MKNK1: variants seen among roughly 807,000 people sequenced by gnomAD.
MKNK1 encodes MAPK interacting serine/threonine kinase 1, also known as MAP kinase-interacting serine/threonine-protein kinase 1.
MKNK1 carries 30 observed loss-of-function variants against 49.3 expected under a neutral mutation model. That is an observed-to-expected ratio of 0.61 (90% CI 0.46 to 0.83). The LOEUF is 0.83. Ranked by LOEUF, MKNK1 falls within the 40% of genes least tolerant of loss-of-function variation. The pLI is 0.00. For synonymous variants in MKNK1, 176 were observed against 201.7 expected (o/e 0.87, Z 1.08); for missense variants, 423 against 524.7 (o/e 0.81, Z 1.89).
chr1:46,566,349 G>T (rs1279780750), intron 8 of MKNK1, among the ~76,000 whole-genome samples: 1 of 152,210 alleles, frequency 6.6e-6, no homozygotes, highest in African/African-American at 2.4e-5. Context: ...TTTTATGGCT[G>T]ACTAGTATTC....
In MKNK1 at chr1:46,558,158, G is replaced by C. The variant is rs765344734; in HGVS notation, c.*417C>G. On this transcript the variant is annotated 3_prime_UTR_variant, in exon 13 of 13. Coordinates refer to ENST00000371945, the MANE Select transcript of MKNK1 (RefSeq NM_001135553.4). ...GAAGGACCGCCAGAGGAGGGTGACA[G>C]AGAAGAGAGGGAAGAGGCACGTGTC... 14 of 167,030 alleles carry C rather than the reference G, an allele frequency of 8.4e-5. No individual in the cohort carries two copies. The highest frequency in any genetic ancestry group is 1.4e-4 in the Non-Finnish European group (11 of 77,260). The allele number at this position is 167,030 out of a possible 1,614,324, so 10.3% of individuals were successfully genotyped here. A position where few individuals can be genotyped will look rare whatever the true frequency, so the allele number is the denominator to read the frequency against.
chr1:46,558,592 G>C lies in MKNK1; in HGVS notation c.1222C>G (p.Pro408Ala), dbSNP rs763574244. 1 of 1,611,552 alleles carries C rather than the reference G, an allele frequency of 6.2e-7. No homozygotes were observed. Among genetic ancestry groups the C allele is most frequent in the East Asian group, 2.2e-5 (1 of 44,866 alleles). ...GGAGCATTTCAGAGTGCTGTGGGCG[G>C]GCTCCTGTCTTCACCACGGCCTGCC... ...AQAGRGEDRSPPTAL is the reference protein window; with the variant it reads ...AQAGRGEDRSAPTAL The change falls in exon 13 of 13, where the codon CCG (proline) becomes GCG (alanine). Residue 408 changes from proline to alanine, a missense_variant. Coordinates refer to ENST00000371945, the MANE Select transcript of MKNK1 (RefSeq NM_001135553.4).
intron 1 of MKNK1, among the ~76,000 whole-genome samples, chr1:46,601,210 C>T (rs995189331): frequency 7.9e-5 from 12 of 152,226 alleles, no homozygotes; most frequent in East Asian, 1.9e-4. Flanking sequence ...AGCCACACAC[C>T]GGCCTCCTTG....
chr1:46,598,532 G>T (rs1327498732), intron 1 of MKNK1, among the ~76,000 whole-genome samples: 2 of 152,108 alleles, frequency 1.3e-5, no homozygotes, highest in Non-Finnish European at 2.9e-5. Context: ...GTACCAAACT[G>T]GGCATTCATA....
rs533542066 is a variant in MKNK1, at chr1:46,589,054, G to A, written c.-3+5059C>T. 6.6e-6 allele frequency among the ~76,000 whole-genome samples: 1 copy of A among 152,356 alleles called. No individual in the cohort carries two copies. The highest frequency in any genetic ancestry group is 1.5e-5 in the Non-Finnish European group (1 of 68,034). ...AGAGACTAGAAGTGAAAGCACCACT[G>A]ACTTACTCTTCAATAATGCTATATT... On this transcript the variant is annotated intron_variant, in intron 2 of 12. Transcript: ENST00000371945. This position sits in a 1 kb window ranked among gnomAD's most constrained non-coding sequence, Gnocchi z 4.3.
At chr1:46,561,102 C>CAACAATCAGCGCAGCA (rs2148543238) in intron 11 of MKNK1, among the ~76,000 whole-genome samples, 1 of 152,378 alleles carries the variant, frequency 6.6e-6, no homozygotes, top group African/African-American at 2.4e-5. Flanking sequence ...CTCGGCCACA[C>CAACAATCAGCGCAGCA]AACAATCAGC....
rs1439498575 is a variant in MKNK1, at chr1:46,580,647, G to C, written c.101-20C>G. On this transcript the variant is annotated intron_variant, in intron 3 of 12. Transcript: ENST00000371945. ...ACATATCTAGAGGTGAAATGGATGA[G>C]AGGAATAACAAGATGAGTCACCCTA... The C allele has an allele frequency of 2.6e-6, 4 of 1,553,208 alleles. No individual in the cohort carries two copies. The highest frequency in any genetic ancestry group is 3.6e-6 in the Non-Finnish European group (4 of 1,124,656).
At chr1:46,585,934 G>C (rs1335046356) in intron 2 of MKNK1, 1 of 1,365,878 alleles carries the variant, frequency 7.3e-7, no homozygotes, top group Non-Finnish European at 9.8e-7. Context: ...AAATGGTTAA[G>C]ACTTTCCTTG....
intron 4 of MKNK1, among the ~76,000 whole-genome samples, chr1:46,579,887 TA>T (rs1383730910): frequency 1.4e-5 from 2 of 142,876 alleles, no homozygotes; most frequent in Admixed American, 6.6e-5. Flanking sequence ...TTTCTTCTTT[TA>T]ATTTTTTTTT....
At chr1:46,596,875 C>T (rs1674135188) in intron 1 of MKNK1, among the ~76,000 whole-genome samples, 1 of 152,156 alleles carries the variant, frequency 6.6e-6, no homozygotes, top group African/African-American at 2.4e-5. Context: ...AAACTGACAG[C>T]AAATACAAAG....
chr1:46,597,699 G>A (rs1674259089), intron 1 of MKNK1, among the ~76,000 whole-genome samples: 1 of 152,260 alleles, frequency 6.6e-6, no homozygotes, highest in African/African-American at 2.4e-5. Context: ...GCCAGGGACA[G>A]GGTAGAGACT....
At chr1:46,566,620 C>A (rs530615381) in intron 8 of MKNK1, among the ~76,000 whole-genome samples, 1 of 152,212 alleles carries the variant, frequency 6.6e-6, no homozygotes, top group Admixed American at 6.5e-5. Flanking sequence ...ATGAGGGTTA[C>A]GATTTCTCCA....
chr1:46,574,897 C>T, intron 6 of MKNK1, 50 bp downstream of exon 6: 1 of 1,254,296 alleles, frequency 8.0e-7, no homozygotes, highest in South Asian at 1.3e-5. Context: ...TGGATGATCA[C>T]CACCCTGGGT....
intron 3 of MKNK1, among the ~76,000 whole-genome samples, chr1:46,580,882 T>C (rs1671630639): frequency 6.6e-6 from 1 of 152,200 alleles, no homozygotes. Flanking sequence ...ATTCGGCACA[T>C]ACTTCCTGAA....
At chr1:46,558,939 AAAG>A in intron 12 of MKNK1, 139 bp from the exon 13 acceptor site, 1 of 693,410 alleles carries the variant, frequency 1.4e-6, no homozygotes. Flanking sequence ...TGCTCTCTCC[AAAG>A]TAGTTCTTGC....
rs1366264868 is a variant in MKNK1 at position 46,558,074 on chromosome 1, C to G, written c.*501G>C. The G allele has an allele frequency of 6.5e-6, 1 of 154,710 alleles. No individual in the cohort carries two copies. The highest frequency in any genetic ancestry group is 2.4e-5 in the African/African-American group (1 of 41,490). 9.6% of individuals were successfully genotyped at this position (154,710 alleles called of 1,614,324 possible). Reference sequence around the variant, plus strand: ...GCCCTTCCCTGAATTGAGGGGATGGCTTTGCTCAGCCAAGGGAGAAGACGG... The same window carrying G: ...GCCCTTCCCTGAATTGAGGGGATGGGTTTGCTCAGCCAAGGGAGAAGACGG... On this transcript the variant is annotated 3_prime_UTR_variant, in exon 13 of 13. Coordinates refer to ENST00000371945, the MANE Select transcript of MKNK1 (RefSeq NM_001135553.4).
At chr1:46,560,378 C>A in intron 11 of MKNK1, 101 bp from the exon 12 acceptor site, 13 of 1,272,894 alleles carry the variant, frequency 1.0e-5, no homozygotes, top group Non-Finnish European at 1.4e-5. Context: ...AGGCTGCTGG[C>A]GCAGCACAGG....
intron 10 of MKNK1, 114 bp downstream of exon 10, chr1:46,562,535 C>T (rs1039617107): frequency 3.3e-6 from 4 of 1,226,624 alleles, no homozygotes; most frequent in African/African-American, 3.1e-5. Flanking sequence ...GGAGAGGGCA[C>T]TATGAGCCCC....
chr1:46,564,540 T>G (rs904669421), intron 9 of MKNK1, among the ~76,000 whole-genome samples: 4 of 137,850 alleles, frequency 2.9e-5, no homozygotes. Context: ...GCAATGGTGC[T>G]ATCTCGGCTC....
Sources: allele counts gnomAD v4.1 joint callset (sites outside exome capture counted in the v4.1 genomes callset), GRCh38; gene constraint gnomAD v4.1.1; non-coding constraint Gnocchi (gnomAD v3.1); transcripts MANE v1.5; gene names NCBI Gene and HGNC (gene_info 2026-07-23, HGNC 2026-07-21).